Variants in SEMA5A observed in about 807,000 individuals in gnomAD.
SEMA5A encodes semaphorin-5A.
A neutral mutation model predicts 135.5 loss-of-function variants in SEMA5A; 55 were observed. That is an observed-to-expected ratio of 0.41 (90% CI 0.33 to 0.51). The LOEUF is 0.51. Among genes scored for constraint, SEMA5A ranks in the 20% least tolerant of loss-of-function variants. The probability of loss-of-function intolerance (pLI) is 0.37; values close to 1 mark genes in which losing one functional copy is unlikely to be tolerated. For synonymous variants in SEMA5A, 580 were observed against 546.5 expected (o/e 1.06, Z -0.85); for missense variants, 1,290 against 1,419.9 (o/e 0.91, Z 1.47).
At chr5:9,470,823 A>C (rs1011881623) in intron 1 of SEMA5A, among the ~76,000 whole-genome samples, 2 of 152,208 alleles carry the variant, frequency 1.3e-5, no homozygotes, top group African/African-American at 4.8e-5. Flanking sequence ...TGGAGCACAA[A>C]TGAGAAATGA....
At chr5:9,305,708 G>GTGTATATATATATATATATATATAGA (rs1554017498) in intron 5 of SEMA5A, among the ~76,000 whole-genome samples, 1 of 139,228 alleles carries the variant, frequency 7.2e-6, no homozygotes, top group Non-Finnish European at 1.5e-5. Flanking sequence ...GTGTGTGTGC[G>GTGTATATATATATATATATATATAGA]TATATATATA....
chr5:9,125,431 C>T (rs1006394367), intron 13 of SEMA5A, among the ~76,000 whole-genome samples: 2 of 152,142 alleles, frequency 1.3e-5, no homozygotes, highest in African/African-American at 4.8e-5. Flanking sequence ...CATCTATCAA[C>T]CCATTACCTA....
intron 1 of SEMA5A, among the ~76,000 whole-genome samples, chr5:9,479,007 T>C (rs927452195): frequency 6.6e-6 from 1 of 152,156 alleles, no homozygotes; most frequent in Non-Finnish European, 1.5e-5. Context: ...CCCCATTGTA[T>C]TCTCATGATA....
chr5:9,112,525 C>T (rs1177847201), intron 15 of SEMA5A, among the ~76,000 whole-genome samples: 1 of 152,138 alleles, frequency 6.6e-6, no homozygotes, highest in African/African-American at 2.4e-5. Context: ...GGAAACTGCA[C>T]GTACATTAAG....
chr5:9,476,216 C>T (rs143753455), intron 1 of SEMA5A, among the ~76,000 whole-genome samples: 1,622 of 152,302 alleles, frequency 0.011, 14 homozygotes, highest in Non-Finnish European at 0.018. Context: ...TGAACATCTA[C>T]AATTGTGTAA....
At chr5:9,511,506 G>A (rs1049607291) in intron 1 of SEMA5A, 2 of 152,088 alleles carry the variant, frequency 1.3e-5, no homozygotes, top group East Asian at 1.9e-4. Context: ...TGATATCCTG[G>A]AGACAGCAGT....
chr5:9,465,203 A>C (rs564896555), intron 1 of SEMA5A, among the ~76,000 whole-genome samples: 1 of 152,328 alleles, frequency 6.6e-6, no homozygotes, highest in East Asian at 1.9e-4. Context: ...ATGTTACCAG[A>C]TGATCCCTGT....
chr5:9,407,106 T>C (rs1756915766), intron 2 of SEMA5A, among the ~76,000 whole-genome samples: 1 of 152,212 alleles, frequency 6.6e-6, no homozygotes, highest in Non-Finnish European at 1.5e-5. Flanking sequence ...GAAACAGTCT[T>C]GACAATCTTA....
chr5:9,275,770 A>G (rs971406898), intron 5 of SEMA5A, among the ~76,000 whole-genome samples: 2 of 152,346 alleles, frequency 1.3e-5, no homozygotes, highest in East Asian at 1.9e-4. Context: ...AAGGCCTTCA[A>G]CAAAATTCAA....
intron 16 of SEMA5A, among the ~76,000 whole-genome samples, chr5:9,099,029 A>G (rs1294318226): frequency 6.6e-6 from 1 of 152,184 alleles, no homozygotes; most frequent in Non-Finnish European, 1.5e-5. Context: ...TAAATAAAAC[A>G]TTTTTGTGAA....
At chr5:9,044,302 G>C in intron 22 of SEMA5A, 71 bp downstream of exon 22, 2 of 1,266,600 alleles carry the variant, frequency 1.6e-6, no homozygotes, top group East Asian at 4.7e-5. Context: ...AGCAGAGAAA[G>C]GGCATCAAAA....
intron 1 of SEMA5A, among the ~76,000 whole-genome samples, chr5:9,541,095 T>C (rs901769186): frequency 1.3e-5 from 2 of 152,352 alleles, no homozygotes; most frequent in Non-Finnish European, 2.9e-5. Flanking sequence ...TTTGAACTGA[T>C]TGAAAGAGGC....
chr5:9,509,982 G>A (rs961814725), intron 1 of SEMA5A, among the ~76,000 whole-genome samples: 11 of 152,138 alleles, frequency 7.2e-5, no homozygotes, highest in Non-Finnish European at 1.5e-4. Context: ...GGAACTAAAC[G>A]CAGAGGAAAA....
chr5:9,337,435 C>T (rs897031478), intron 4 of SEMA5A, among the ~76,000 whole-genome samples: 1 of 152,162 alleles, frequency 6.6e-6, no homozygotes, highest in African/African-American at 2.4e-5. Flanking sequence ...GTTGATAGTA[C>T]CTACCTCTTA....
chr5:9,297,679 C>T (rs994296180), intron 5 of SEMA5A, among the ~76,000 whole-genome samples: 1 of 151,854 alleles, frequency 6.6e-6, no homozygotes, highest in Non-Finnish European at 1.5e-5. Flanking sequence ...CTCAGTCTCC[C>T]GAGTAGCTGG....
At chr5:9,520,191 A>G (rs1258873435) in intron 1 of SEMA5A, among the ~76,000 whole-genome samples, 1 of 152,194 alleles carries the variant, frequency 6.6e-6, no homozygotes, top group Non-Finnish European at 1.5e-5. Flanking sequence ...CCTACAAATC[A>G]TTCATCAGTC....
intron 3 of SEMA5A, among the ~76,000 whole-genome samples, chr5:9,342,196 T>C (rs868529371): frequency 3.3e-5 from 5 of 152,060 alleles, no homozygotes; most frequent in African/African-American, 9.7e-5. Flanking sequence ...GCCAAGGTAA[T>C]GATGTTTGTA....
intron 5 of SEMA5A, among the ~76,000 whole-genome samples, chr5:9,280,597 G>A (rs185206661): frequency 6.6e-6 from 1 of 152,316 alleles, no homozygotes. Flanking sequence ...AATGACATTT[G>A]AAGTCCAGTT....
At chr5:9,237,712 C>CT (rs1457753652) in intron 6 of SEMA5A, 116 bp downstream of exon 6, 2 of 858,422 alleles carry the variant, frequency 2.3e-6, no homozygotes, top group South Asian at 2.2e-5. Flanking sequence ...TTGAATCTTG[C>CT]TTTTTTCACT....
Sources: gnomAD v4.1 joint callset for allele counts (sites outside exome capture counted in the v4.1 genomes callset) on GRCh38, gnomAD v4.1.1 for gene constraint, MANE v1.5 for transcripts, NCBI Gene and HGNC (gene_info 2026-07-23, HGNC 2026-07-21) for gene names.